LIMA1: variants seen among roughly 807,000 people sequenced by gnomAD.
The protein encoded by LIMA1 is LIM domain and actin-binding protein 1.
In LIMA1, 52 loss-of-function variants were observed where a neutral mutation model predicts 62.6. That is an observed-to-expected ratio of 0.83 (90% confidence interval 0.67 to 1.05). LIMA1 has a LOEUF of 1.05. LIMA1 is among the 50% of genes least tolerant of loss of function. The pLI, the probability that LIMA1 is intolerant of heterozygous loss-of-function variation, is 0.00. For synonymous variants in LIMA1, 302 were observed against 317.8 expected (o/e 0.95, Z 0.53); for missense variants, 780 against 902.2 (o/e 0.86, Z 1.74).
chr12:50,276,219 C>A (rs1942274290), intron 1 of LIMA1, among the ~76,000 whole-genome samples: 1 of 152,090 alleles, frequency 6.6e-6, no homozygotes, highest in East Asian at 1.9e-4. Context: ...ACTCTTATCA[C>A]CCCTGGGGCA....
chr12:50,283,129 C>T (rs1244595950), intron 1 of LIMA1, among the ~76,000 whole-genome samples: 1 of 151,608 alleles, frequency 6.6e-6, no homozygotes, highest in Admixed American at 6.6e-5. Flanking sequence ...CTCCACCACA[C>T]CAGAAAGTAT....
At position 50,177,307 on chromosome 12, in the gene LIMA1, A is replaced by G; in HGVS notation, c.2037T>C (p.Leu679=). The G allele has an allele frequency of 6.2e-7, 1 of 1,614,172 alleles. No individual in the cohort carries two copies. Among genetic ancestry groups the G allele is most frequent in the Non-Finnish European group, 8.5e-7 (1 of 1,180,030 alleles). ...CATCGGAGTCTGCACCATTTTCTAC[A>G]AGATTCTCATTCTCCATCTCCAAAC... ...GHSLEMENEN[L]VENGADSDED... The change falls in exon 11 of 11, where the codon CTT becomes CTC. Residue 679 remains leucine (L), a synonymous_variant. Transcript: ENST00000341247.
intron 4 of LIMA1, among the ~76,000 whole-genome samples, chr12:50,218,927 C>T (rs1045987139): frequency 6.8e-6 from 1 of 147,128 alleles, no homozygotes; most frequent in Non-Finnish European, 1.5e-5. Context: ...AAAAAAAAAA[C>T]GCATTTCAAA....
rs1940397612 is a variant in LIMA1 at position 50,178,093 on chromosome 12, T to A, written c.1275-24A>T. The A allele has an allele frequency of 2.1e-6, 3 of 1,408,898 alleles. No homozygotes were observed. The East Asian group carries it at 7.9e-5, about 37-fold the overall frequency. 87.3% of individuals were successfully genotyped at this position (1,408,898 alleles called of 1,614,324 possible). ...GACTGTCATTAAAAGAAAAAAAGCA[T>A]AAACTTAGCAAATCTTCACATTCTC... On this transcript the variant is annotated intron_variant, in intron 10 of 10. Transcript: ENST00000341247.
chr12:50,272,937 C>G (rs1031345550), intron 1 of LIMA1, among the ~76,000 whole-genome samples: 6 of 151,182 alleles, frequency 4.0e-5, no homozygotes, highest in African/African-American at 1.5e-4. Flanking sequence ...GTAGTCCCAG[C>G]TACTCGGGAG....
intron 1 of LIMA1, among the ~76,000 whole-genome samples, chr12:50,266,559 C>T (rs1418231764): frequency 2.0e-5 from 3 of 152,174 alleles, no homozygotes; most frequent in African/African-American, 7.2e-5. Context: ...GCTTTTGCTT[C>T]TTCACTGTTA....
chr12:50,263,642 T>C (rs936944020), intron 1 of LIMA1, among the ~76,000 whole-genome samples: 13 of 151,686 alleles, frequency 8.6e-5, no homozygotes, highest in African/African-American at 3.2e-4. Flanking sequence ...GTTTGACAAG[T>C]GTTAGCGAGG....
Position 50,200,876 on chromosome 12 carries a change from C to T in LIMA1, c.873G>A (p.Leu291=), listed in dbSNP as rs751685003. 2 of 1,613,560 alleles carry T rather than the reference C, an allele frequency of 1.2e-6. No individual in the cohort carries two copies. The highest frequency in any genetic ancestry group is 1.7e-6 in the Non-Finnish European group (2 of 1,179,844). Residue 291 remains leucine (L), a synonymous_variant, in exon 7 of 11, where the codon CTG becomes CTA. Coordinates refer to ENST00000341247, the MANE Select transcript of LIMA1 (RefSeq NM_016357.5). ...TTTTGATTTCGCCACCACTGGCTTTCAGCTCATTCTACAAAATAAAAATAA... is the reference window on the plus strand; with the variant it reads ...TTTTGATTTCGCCACCACTGGCTTTTAGCTCATTCTACAAAATAAAAATAA... The part of the protein sequence containing the change: ...QSSSTNYTNE[L]KASGGEIKIH...
In LIMA1 at chr12:50,261,038, G is replaced by GAA. The variant is rs1942061688; in HGVS notation, c.-23-12265_-23-12264insTT. Among the ~76,000 whole-genome samples the GAA allele has an allele frequency of 4.3e-5, 3 of 70,150 alleles. 1 individual carries two copies. Among genetic ancestry groups the GAA allele is most frequent in the African/African-American group, 1.9e-4 (3 of 15,650 alleles). 46.0% of individuals were successfully genotyped at this position (70,150 alleles called of 152,430 possible). A position where few individuals can be genotyped will look rare whatever the true frequency, so the allele number is the denominator to read the frequency against. On this transcript the variant is annotated intron_variant, in intron 1 of 10. Coordinates refer to ENST00000341247, the MANE Select transcript of LIMA1 (RefSeq NM_016357.5). Reference sequence around the variant, plus strand: ...TTGTCTTTTGCTTTTCTGCCATCTAGTATATTTTTTTTTTTTTTTTTTTTT... The same window carrying GAA: ...TTGTCTTTTGCTTTTCTGCCATCTAGAATATATTTTTTTTTTTTTTTTTTTTT...
At chr12:50,251,776 C>T (rs1173204190) in intron 1 of LIMA1, among the ~76,000 whole-genome samples, 1 of 152,092 alleles carries the variant, frequency 6.6e-6, no homozygotes, top group Non-Finnish European at 1.5e-5. Context: ...AAAGTCAGAA[C>T]ATCTATTTTG....
In LIMA1 at chr12:50,179,006, C is replaced by T. The variant is rs534972695; in HGVS notation, c.1275-937G>A. 8.7e-5 allele frequency among the ~76,000 whole-genome samples: 13 copies of T among 149,198 alleles called. No homozygotes were observed. In the South Asian group the frequency reaches 2.3e-3, roughly 27 times the overall value. On this transcript the variant is annotated intron_variant, in intron 10 of 10. Transcript: ENST00000341247. ...TTCTTTTCTTTTTTTGAGAGAATCT[C>T]GCTCTGTCGCCCAGGCTGGAGTGCA...
Position 50,176,324 on chromosome 12 carries a change from A to C in LIMA1, c.*740T>G, listed in dbSNP as rs1299361759. 2 of 152,220 alleles carry C rather than the reference A, an allele frequency of 1.3e-5. No homozygotes were observed. Among genetic ancestry groups the C allele is most frequent in the Non-Finnish European group, 2.9e-5 (2 of 68,032 alleles). 9.4% of individuals were successfully genotyped at this position (152,220 alleles called of 1,614,324 possible). On this transcript the variant is annotated 3_prime_UTR_variant, in exon 11 of 11. Coordinates refer to ENST00000341247, the MANE Select transcript of LIMA1 (RefSeq NM_016357.5). Reference sequence around the variant, plus strand: ...AGAAGCACAGATATCACCAGAAAAGAAAGCAATCATTTGGAGTACAGTAAA... The same window carrying C: ...AGAAGCACAGATATCACCAGAAAAGCAAGCAATCATTTGGAGTACAGTAAA...
intron 4 of LIMA1, among the ~76,000 whole-genome samples, chr12:50,215,139 G>T (rs1220080414): frequency 1.3e-5 from 2 of 152,154 alleles, no homozygotes; most frequent in Non-Finnish European, 1.5e-5. Context: ...ACTCTCTAAA[G>T]ACTCATTCTA....
intron 1 of LIMA1, 117 bp from the exon 2 acceptor site, chr12:50,248,891 C>G: frequency 1.5e-6 from 1 of 645,402 alleles, no homozygotes; most frequent in South Asian, 1.9e-5. Flanking sequence ...CACTGTTCTC[C>G]CCCAAACTGT....
chr12:50,184,236 A>T, intron 9 of LIMA1, among the ~76,000 whole-genome samples: 1 of 152,374 alleles, frequency 6.6e-6, no homozygotes, highest in Non-Finnish European at 1.5e-5. Flanking sequence ...TTAACACATT[A>T]TCGTATTTGG....
intron 1 of LIMA1, among the ~76,000 whole-genome samples, chr12:50,266,863 AT>A (rs1275832349): frequency 6.6e-6 from 1 of 151,964 alleles, no homozygotes; most frequent in African/African-American, 2.4e-5. Flanking sequence ...GGTTGAGCAT[AT>A]TTTCAAATAT....
At chr12:50,211,467 AC>A (rs1197263489) in intron 4 of LIMA1, among the ~76,000 whole-genome samples, 1 of 144,902 alleles carries the variant, frequency 6.9e-6, no homozygotes, top group East Asian at 2.1e-4. Context: ...ACATGGTGAG[AC>A]CCTGTCTCTG....
intron 2 of LIMA1, among the ~76,000 whole-genome samples, chr12:50,242,126 C>G: frequency 6.6e-6 from 1 of 151,140 alleles, no homozygotes; most frequent in South Asian, 2.1e-4. Flanking sequence ...AAACAGAGTT[C>G]CTGAGCCATG....
intron 9 of LIMA1, chr12:50,185,718 C>T (rs1940615955): frequency 3.0e-6 from 1 of 331,790 alleles, no homozygotes; most frequent in South Asian, 2.4e-5. Flanking sequence ...TCTTTAGTGG[C>T]TTACTACCTC....
Sources: allele counts gnomAD v4.1 joint callset (sites outside exome capture counted in the v4.1 genomes callset), GRCh38; gene constraint gnomAD v4.1.1; transcripts MANE v1.5; gene names NCBI Gene and HGNC (gene_info 2026-07-23, HGNC 2026-07-21).